The following SLC24A3 variants were observed in gnomAD, a reference collection of about 807,000 sequenced individuals.
The protein encoded by SLC24A3 is sodium/potassium/calcium exchanger 3.
SLC24A3 carries 28 observed loss-of-function variants against 75.8 expected under a neutral mutation model. The ratio of observed to expected loss-of-function variants is 0.37; its 90% CI spans 0.27 to 0.51. The LOEUF is 0.51. Ranked by LOEUF, SLC24A3 falls within the 20% of genes least tolerant of loss-of-function variation. The pLI is 0.94. For missense variants in SLC24A3, 663 were observed against 847.8 expected (o/e 0.78, Z 2.71); for synonymous variants, 372 against 334.1 (o/e 1.11, Z -1.24).
intron 6 of SLC24A3, among the ~76,000 whole-genome samples, chr20:19,636,173 C>T (rs533783849): frequency 6.6e-6 from 1 of 152,064 alleles, no homozygotes; most frequent in South Asian, 2.1e-4. Flanking sequence ...GAAAGATCTC[C>T]CAAGGCCTTT....
intron 2 of SLC24A3, among the ~76,000 whole-genome samples, chr20:19,369,869 T>A (rs910219525): frequency 6.6e-6 from 1 of 152,176 alleles, no homozygotes; most frequent in African/African-American, 2.4e-5. Context: ...AGTTTCACTA[T>A]GTTACAAAAA....
intron 2 of SLC24A3, among the ~76,000 whole-genome samples, chr20:19,329,048 G>T (rs1422221831): frequency 1.3e-5 from 2 of 152,186 alleles, no homozygotes; most frequent in Non-Finnish European, 2.9e-5. Flanking sequence ...GCGACTCCAA[G>T]GCCATTAGTG....
At chr20:19,510,322 C>G (rs1988518077) in intron 2 of SLC24A3, among the ~76,000 whole-genome samples, 1 of 152,200 alleles carries the variant, frequency 6.6e-6, no homozygotes, top group African/African-American at 2.4e-5. Flanking sequence ...GTCTTAATAA[C>G]AGTTTATCCT....
At chr20:19,626,623 T>C (rs929830180) in intron 6 of SLC24A3, among the ~76,000 whole-genome samples, 1 of 152,240 alleles carries the variant, frequency 6.6e-6, no homozygotes, top group African/African-American at 2.4e-5. Flanking sequence ...TGCTTCCTTG[T>C]AAATGTATAG....
intron 12 of SLC24A3, among the ~76,000 whole-genome samples, chr20:19,691,328 G>A (rs996801157): frequency 6.6e-6 from 1 of 152,214 alleles, no homozygotes; most frequent in South Asian, 2.1e-4. Flanking sequence ...GAAGACCTGC[G>A]AGGGCAAAGT....
chr20:19,279,705 T>C (rs1198287562), intron 1 of SLC24A3, among the ~76,000 whole-genome samples: 1 of 152,182 alleles, frequency 6.6e-6, no homozygotes, highest in Non-Finnish European at 1.5e-5. Context: ...CCCTTCCCTA[T>C]TGCTGATGAC....
chr20:19,349,678 C>T (rs890169746), intron 2 of SLC24A3, among the ~76,000 whole-genome samples: 2 of 152,164 alleles, frequency 1.3e-5, no homozygotes, highest in Admixed American at 6.5e-5. Context: ...CTTCAGTTGC[C>T]CACAGCAGTA....
chr20:19,640,080 C>T (rs1010934272), intron 6 of SLC24A3, among the ~76,000 whole-genome samples: 8 of 152,246 alleles, frequency 5.3e-5, no homozygotes, highest in Non-Finnish European at 1.0e-4. Flanking sequence ...AAAGGGGCTC[C>T]CACAGTGCAG....
intron 9 of SLC24A3, among the ~76,000 whole-genome samples, chr20:19,674,968 G>A (rs930863948): frequency 3.3e-5 from 5 of 152,248 alleles, no homozygotes; most frequent in African/African-American, 9.6e-5. Context: ...GAGAATCGCT[G>A]GAACCCGGGA....
At chr20:19,264,855 G>A (rs909881346) in intron 1 of SLC24A3, among the ~76,000 whole-genome samples, 1 of 152,166 alleles carries the variant, frequency 6.6e-6, no homozygotes, top group Non-Finnish European at 1.5e-5. Flanking sequence ...ACAATTCTGG[G>A]AAGCATTCTC....
chr20:19,366,215 T>G (rs1985888950), intron 2 of SLC24A3, among the ~76,000 whole-genome samples: 1 of 152,158 alleles, frequency 6.6e-6, no homozygotes, highest in Admixed American at 6.5e-5. Context: ...TTTTTAATGG[T>G]GAAGATTCAC....
At chr20:19,325,827 GAGAGA>G in intron 2 of SLC24A3, among the ~76,000 whole-genome samples, 1 of 108,300 alleles carries the variant, frequency 9.2e-6, no homozygotes, top group East Asian at 2.2e-4. Context: ...GAGAGAGAGA[GAGAGA>G]GAGAGAGGGA....
chr20:19,537,014 A>C (rs1470468605), intron 3 of SLC24A3, among the ~76,000 whole-genome samples: 1 of 152,220 alleles, frequency 6.6e-6, no homozygotes, highest in African/African-American at 2.4e-5. Context: ...ACAAAAGCCA[A>C]AATTGACAAA....
chr20:19,525,698 C>G (rs1388222455), intron 3 of SLC24A3, among the ~76,000 whole-genome samples: 1 of 152,064 alleles, frequency 6.6e-6, no homozygotes, highest in African/African-American at 2.4e-5. Flanking sequence ...GGAGAGTGGC[C>G]GAGGACGAGG....
At chr20:19,662,255 A>G (rs1398396459) in intron 7 of SLC24A3, among the ~76,000 whole-genome samples, 3 of 152,196 alleles carry the variant, frequency 2.0e-5, no homozygotes, top group Non-Finnish European at 2.9e-5. Context: ...AAGAACGCTT[A>G]CCCAAGGGTT....
At chr20:19,220,070 G>C (rs1362343684) in intron 1 of SLC24A3, among the ~76,000 whole-genome samples, 2 of 152,202 alleles carry the variant, frequency 1.3e-5, no homozygotes, top group African/African-American at 4.8e-5. Flanking sequence ...CCCATCCATG[G>C]ACCATGGAGC....
intron 1 of SLC24A3, among the ~76,000 whole-genome samples, chr20:19,239,879 G>A (rs1325958962): frequency 1.3e-5 from 2 of 152,122 alleles, no homozygotes; most frequent in African/African-American, 4.8e-5. Flanking sequence ...CTGGGAAGCT[G>A]CCCCCTCAGT....
intron 7 of SLC24A3, 130 bp from the exon 8 acceptor site, chr20:19,665,734 A>G (rs2032390781): frequency 8.0e-7 from 1 of 1,246,514 alleles, no homozygotes; most frequent in Non-Finnish European, 1.1e-6. Flanking sequence ...TCCCAGGACA[A>G]CCCAGTCCTG....
At chr20:19,224,113 AGT>A (rs1981809064) in intron 1 of SLC24A3, among the ~76,000 whole-genome samples, 1 of 105,578 alleles carries the variant, frequency 9.5e-6, no homozygotes, top group Non-Finnish European at 1.9e-5. Flanking sequence ...ATGTGGTGTG[AGT>A]GTGTGAGTGT....
Sources: gnomAD v4.1 joint callset for allele counts (sites outside exome capture counted in the v4.1 genomes callset) on GRCh38, gnomAD v4.1.1 for gene constraint, MANE v1.5 for transcripts, NCBI Gene and HGNC (gene_info 2026-07-23, HGNC 2026-07-21) for gene names.